The following SOX5 variants were observed in gnomAD, a reference collection of about 807,000 sequenced individuals.
The protein encoded by SOX5 is SRY-box transcription factor 5, also known as transcription factor SOX-5.
A neutral mutation model predicts 92.0 loss-of-function variants in SOX5; 9 were observed. That is an observed-to-expected ratio of 0.10 (90% confidence interval 0.06 to 0.17). SOX5 has a LOEUF of 0.17. Among genes scored for constraint, SOX5 ranks in the 10% least tolerant of loss-of-function variants. The probability of loss-of-function intolerance (pLI) is 1.00; values close to 1 mark genes in which losing one functional copy is unlikely to be tolerated. For missense variants in SOX5, 642 were observed against 944.5 expected (o/e 0.68, Z 4.20); for synonymous variants, 344 against 336.3 (o/e 1.02, Z -0.25).
intron 3 of SOX5, among the ~76,000 whole-genome samples, chr12:23,810,086 A>G (rs891226942): frequency 6.6e-6 from 1 of 152,160 alleles, no homozygotes; most frequent in African/African-American, 2.4e-5. Context: ...AGAAGTAACT[A>G]TTGTTTCTGG....
chr12:23,740,075 A>G (rs978541253), intron 5 of SOX5, among the ~76,000 whole-genome samples: 5 of 152,170 alleles, frequency 3.3e-5, no homozygotes, highest in Non-Finnish European at 5.9e-5. Flanking sequence ...CTCCTCCAGT[A>G]GAGTTTAAAC....
At chr12:23,710,843 T>A (rs1451958161) in intron 6 of SOX5, among the ~76,000 whole-genome samples, 3 of 152,178 alleles carry the variant, frequency 2.0e-5, no homozygotes, top group Admixed American at 1.3e-4. Flanking sequence ...TTGAACTAGT[T>A]TACAGTCCCA....
chr12:24,397,233 A>T (rs894118384), intron 1 of SOX5, among the ~76,000 whole-genome samples: 6 of 152,012 alleles, frequency 3.9e-5, no homozygotes, highest in Non-Finnish European at 2.9e-5. Context: ...TGACAAGTCA[A>T]ACCAGAAAAG....
At chr12:23,745,775 A>G (rs946304947) in intron 4 of SOX5, among the ~76,000 whole-genome samples, 4 of 152,118 alleles carry the variant, frequency 2.6e-5, no homozygotes, top group Non-Finnish European at 5.9e-5. Flanking sequence ...GCATATGTGT[A>G]GATCTTTATT....
intron 2 of SOX5, among the ~76,000 whole-genome samples, chr12:24,305,905 A>T (rs775491783): frequency 2.6e-5 from 4 of 152,124 alleles, no homozygotes; most frequent in Admixed American, 2.0e-4. Context: ...CCGATGAAAG[A>T]TATTTTAAAG....
At chr12:24,255,288 G>A (rs1050253727) in intron 3 of SOX5, among the ~76,000 whole-genome samples, 15 of 152,096 alleles carry the variant, frequency 9.9e-5, no homozygotes, top group African/African-American at 3.6e-4. Flanking sequence ...CCCTAAAGTG[G>A]CAATATTGCC....
chr12:23,752,824 T>A (rs976146697), intron 4 of SOX5, among the ~76,000 whole-genome samples: 1 of 152,036 alleles, frequency 6.6e-6, no homozygotes, highest in South Asian at 2.1e-4. Flanking sequence ...TAGCATATAT[T>A]GACTGTTGTT....
chr12:24,502,220 A>G (rs1235656055), intron 1 of SOX5, among the ~76,000 whole-genome samples: 2 of 152,220 alleles, frequency 1.3e-5, no homozygotes, highest in Non-Finnish European at 2.9e-5. Context: ...AACCAAGGAG[A>G]TTCCATGAAG....
intron 9 of SOX5, among the ~76,000 whole-genome samples, chr12:23,595,723 A>G (rs747354198): frequency 1.8e-4 from 28 of 152,216 alleles, no homozygotes; most frequent in South Asian, 1.7e-3. Context: ...ATTCAGTGAA[A>G]CCACAAGAAA....
chr12:23,810,026 A>G (rs765198648), intron 3 of SOX5, among the ~76,000 whole-genome samples: 38 of 152,186 alleles, frequency 2.5e-4, no homozygotes, highest in South Asian at 6.2e-4. Flanking sequence ...AAAATGCAAC[A>G]AAACATCCTA....
chr12:24,428,726 CAAAAAAAAAAAAAAAA>C lies in SOX5; in HGVS notation c.-250-60103_-250-60088del, dbSNP rs57964050. ...GGCAACAGAGTGAGACTCTGTTTCT[CAAAAAAAAAAAAAAAA>C]AAAAAAAAAAAAAAAAAGCTAATTT... is the stretch of plus-strand genomic sequence containing the variant. On this transcript the variant is annotated intron_variant, in intron 1 of 4. Coordinates refer to the SOX5 transcript ENST00000446891. Among the ~76,000 whole-genome samples, 36 of 32,598 alleles carry C rather than the reference CAAAAAAAAAAAAAAAA, an allele frequency of 1.1e-3. 1 individual carries two copies. Among genetic ancestry groups the C allele is most frequent in the African/African-American group, 3.1e-3 (25 of 7,964 alleles). The allele number at this position is 32,598 out of a possible 152,430, so 21.4% of individuals were successfully genotyped here. A position where few individuals can be genotyped will look rare whatever the true frequency, so the allele number is the denominator to read the frequency against.
chr12:24,272,717 A>G (rs1034673824), intron 3 of SOX5, among the ~76,000 whole-genome samples: 1 of 152,160 alleles, frequency 6.6e-6, no homozygotes, highest in African/African-American at 2.4e-5. Flanking sequence ...TCATAATTTT[A>G]TATTAAATGA....
At position 24,464,984 on chromosome 12, in the gene SOX5, G is replaced by A. The variant is rs576727157; in HGVS notation, c.-250-96345C>T. Among the ~76,000 whole-genome samples, 5 of 152,334 alleles carry A rather than the reference G, an allele frequency of 3.3e-5. No individual in the cohort carries two copies. In the South Asian group the frequency reaches 1.0e-3, roughly 32 times the overall value. On this transcript the variant is annotated intron_variant, in intron 1 of 4. Transcript: ENST00000446891. ...AGCTGCAGAAGCAGCAGTAATGATA[G>A]TGATGCTGAGAGAATGGATGGTGAT...
At chr12:23,984,418 G>A (rs541089551) in intron 4 of SOX5, among the ~76,000 whole-genome samples, 1 of 152,274 alleles carries the variant, frequency 6.6e-6, no homozygotes, top group Admixed American at 6.5e-5. Flanking sequence ...CTGAGCTCTG[G>A]GTGACTCGGA....
intron 7 of SOX5, among the ~76,000 whole-genome samples, chr12:23,659,233 C>T (rs994604363): frequency 1.3e-5 from 2 of 152,106 alleles, no homozygotes; most frequent in African/African-American, 4.8e-5. Context: ...AACAATGAAA[C>T]ATGTGACATT....
intron 2 of SOX5, among the ~76,000 whole-genome samples, chr12:24,290,409 G>A (rs1364813190): frequency 6.6e-6 from 1 of 152,140 alleles, no homozygotes; most frequent in Admixed American, 6.5e-5. Context: ...TACATGCCAG[G>A]CACTTTGTCA....
chr12:23,979,904 G>A (rs1344946676), intron 4 of SOX5, among the ~76,000 whole-genome samples: 5 of 132,790 alleles, frequency 3.8e-5, no homozygotes, highest in African/African-American at 1.2e-4. Context: ...TGGCTGGCTG[G>A]CTGGCTGGCC....
At chr12:23,589,732 A>AT (rs1951258740) in intron 9 of SOX5, among the ~76,000 whole-genome samples, 2 of 151,070 alleles carry the variant, frequency 1.3e-5, no homozygotes, top group Non-Finnish European at 3.0e-5. Context: ...GTCGTTTTGT[A>AT]TAAATAACAT....
intron 2 of SOX5, among the ~76,000 whole-genome samples, chr12:24,302,685 C>A (rs1393580004): frequency 2.0e-5 from 3 of 151,836 alleles, no homozygotes; most frequent in African/African-American, 7.3e-5. Flanking sequence ...GAAGTTGCAG[C>A]CCACAGCAAA....
Sources: allele counts gnomAD v4.1 joint callset (sites outside exome capture counted in the v4.1 genomes callset), GRCh38; gene constraint gnomAD v4.1.1; transcripts MANE v1.5; gene names NCBI Gene and HGNC (gene_info 2026-07-23, HGNC 2026-07-21).